Variants in KLLN observed in about 807,000 individuals in gnomAD.
The protein encoded by KLLN is killin.
For synonymous variants in KLLN, 142 were observed against 102.2 expected (o/e 1.39, Z -2.35); for missense variants, 340 against 241.3 (o/e 1.41, Z -2.71).
In KLLN at chr10:87,862,670, T is replaced by C. The variant is rs772961242; in HGVS notation, c.-183A>G. 8.1e-6 allele frequency: 5 copies of C among 615,520 alleles called. No homozygotes were observed. Among genetic ancestry groups the C allele is most frequent in the African/African-American group, 3.7e-5 (2 of 53,844 alleles). The allele number at this position is 615,520 out of a possible 1,614,324, so 38.1% of individuals were successfully genotyped here. A position where few individuals can be genotyped will look rare whatever the true frequency, so the allele number is the denominator to read the frequency against. ...GCGTCCCACTCACAGGGATCCTCTT[T>C]CAGTTCATTTAGATAGGTGCCCTTT... On this transcript the variant is annotated 5_prime_UTR_variant, in exon 1 of 1. It removes the in-frame stop codon of an upstream open reading frame in the 5' UTR. Coordinates refer to ENST00000445946, the MANE Select transcript of KLLN (RefSeq NM_001126049.2).
Position 87,860,036 on chromosome 10 carries a change from A to AAAAAAAC in KLLN, c.*1914_*1915insGTTTTTT, listed in dbSNP as rs1858232519. On this transcript the variant is annotated 3_prime_UTR_variant, in exon 1 of 1. Coordinates refer to ENST00000445946, the MANE Select transcript of KLLN (RefSeq NM_001126049.2). Reference sequence around the variant, plus strand: ...GTCTCAAAAAAAAAAAAAAAAAAAGAAAAAAAAAAAAAGAACTGAAGTGCT... The same window carrying AAAAAAAC: ...GTCTCAAAAAAAAAAAAAAAAAAAGAAAAAAACAAAAAAAAAAAAGAACTGAAGTGCT... The AAAAAAAC allele has an allele frequency of 8.0e-6, 1 of 124,414 alleles. No homozygotes were observed. The allele number at this position is 124,414 out of a possible 1,614,324, so 7.7% of individuals were successfully genotyped here. A position where few individuals can be genotyped will look rare whatever the true frequency, so the allele number is the denominator to read the frequency against.
At position 87,862,142 on chromosome 10, in the gene KLLN, G is replaced by C; in HGVS notation, c.346C>G (p.Arg116Gly). 2 of 1,550,550 alleles carry C rather than the reference G, an allele frequency of 1.3e-6. No homozygotes were observed. The highest frequency in any genetic ancestry group is 1.7e-6 in the Non-Finnish European group (2 of 1,146,260). The change falls in exon 1 of 1, where the codon CGG becomes GGG. Residue 116 changes from arginine (R) to glycine (G), a missense_variant. By Grantham distance (125) the Arg-to-Gly change is moderately radical. Coordinates refer to ENST00000445946, the MANE Select transcript of KLLN (RefSeq NM_001126049.2). ...PSCAAAETGA[R>G]TSLPKERCRG... ...CAGCGCTCCTTCGGGAGGCTGGTCC[G>C]AGCCCCTGTTTCCGCCGCGGCGCAG...
In KLLN at chr10:87,861,362, C is replaced by T. The variant is rs868229865; in HGVS notation, c.*589G>A. 2.6e-5 allele frequency: 4 copies of T among 152,378 alleles called. No homozygotes were observed. The highest frequency in any genetic ancestry group is 2.6e-4 in the Admixed American group (4 of 15,286). 9.4% of individuals were successfully genotyped at this position (152,378 alleles called of 1,614,324 possible). On this transcript the variant is annotated 3_prime_UTR_variant, in exon 1 of 1. Transcript: ENST00000445946. ...ACACACATGCAGATTGATTCTCATTCTCTCAAAGTTTGAAAAACAACTCAG... is the reference window on the plus strand; with the variant it reads ...ACACACATGCAGATTGATTCTCATTTTCTCAAAGTTTGAAAAACAACTCAG...
rs1858234204 is a variant in KLLN at position 87,860,144 on chromosome 10, T to A, written c.*1807A>T. 6.6e-6 allele frequency: 1 copy of A among 152,124 alleles called. No homozygotes were observed. Among genetic ancestry groups the A allele is most frequent in the Non-Finnish European group, 1.5e-5 (1 of 68,022 alleles). The allele number at this position is 152,124 out of a possible 1,614,324, so 9.4% of individuals were successfully genotyped here. ...TAAAAAAGTACTATTTTTGAAACTT[T>A]CTTTAGTTTAGATAGGGCCAGCCAT... is the stretch of plus-strand genomic sequence containing the variant. On this transcript the variant is annotated 3_prime_UTR_variant, in exon 1 of 1. Transcript: ENST00000445946.
Position 87,862,712 on chromosome 10 carries a change from A to G in KLLN, c.-225T>C, listed in dbSNP as rs1858300641. The G allele has an allele frequency of 2.1e-5, 12 of 578,290 alleles. No individual in the cohort carries two copies. The highest frequency in any genetic ancestry group is 4.7e-4 in the Middle Eastern group (1 of 2,150). 35.8% of individuals were successfully genotyped at this position (578,290 alleles called of 1,614,324 possible). ...GTGCCCTTTGGGCCCTTGAAATTCA[A>G]CGGCTATGTGTTCACGTTCAGCACG... On this transcript the variant is annotated 5_prime_UTR_variant, in exon 1 of 1. Coordinates refer to ENST00000445946, the MANE Select transcript of KLLN (RefSeq NM_001126049.2).
In KLLN at chr10:87,862,331, T is replaced by G. The variant is rs1219074532; in HGVS notation, c.157A>C (p.Thr53Pro). 1 of 1,551,530 alleles carries G rather than the reference T, an allele frequency of 6.4e-7. No individual in the cohort carries two copies. The change falls in exon 1 of 1, where the codon ACA (threonine) becomes CCA (proline). Residue 53 changes from threonine to proline, a missense_variant. Thr to Pro is a conservative substitution (Grantham distance 38, BLOSUM62 -1). Coordinates refer to ENST00000445946, the MANE Select transcript of KLLN (RefSeq NM_001126049.2). ...AAAGTAGTTCCGACTGTGGCCCGTG[T>G]ATCCTTCCACCTCCTTTTGAACCCT... Reference protein sequence around the residue: ...LGGFKRRWKDTRATVGTTFRR... With the variant: ...LGGFKRRWKDPRATVGTTFRR...
Position 87,862,556 on chromosome 10 carries a change from C to G in KLLN, c.-69G>C. ...GGTCTCTGAGAACCGAGCTTGACTCCGACGCCGCGAACCGACCTGGAGCCC... is the reference window on the plus strand; with the variant it reads ...GGTCTCTGAGAACCGAGCTTGACTCGGACGCCGCGAACCGACCTGGAGCCC... On this transcript the variant is annotated 5_prime_UTR_variant, in exon 1 of 1. Transcript: ENST00000445946. 1 of 1,392,008 alleles carries G rather than the reference C, an allele frequency of 7.2e-7. No homozygotes were observed. The allele number at this position is 1,392,008 out of a possible 1,614,324, so 86.2% of individuals were successfully genotyped here.
chr10:87,862,142 G>A lies in KLLN; in HGVS notation c.346C>T (p.Arg116Trp), dbSNP rs1438807362. 36 of 1,550,432 alleles carry A rather than the reference G, an allele frequency of 2.3e-5. 1 individual carries two copies. Among genetic ancestry groups the A allele is most frequent in the Non-Finnish European group, 2.9e-5 (33 of 1,146,268 alleles). Residue 116 changes from arginine to tryptophan, a missense_variant, in exon 1 of 1, where the codon CGG (arginine) becomes TGG (tryptophan). Transcript: ENST00000445946. The stretch of plus-strand genomic sequence containing the variant: ...CAGCGCTCCTTCGGGAGGCTGGTCC[G>A]AGCCCCTGTTTCCGCCGCGGCGCAG... ...PSCAAAETGA[R>W]TSLPKERCRG...
In KLLN at chr10:87,861,941, G is replaced by C; in HGVS notation, c.*10C>G. The C allele has an allele frequency of 6.9e-7, 1 of 1,454,970 alleles. No homozygotes were observed. Among genetic ancestry groups the C allele is most frequent in the Non-Finnish European group, 9.1e-7 (1 of 1,101,470 alleles). 90.1% of individuals were successfully genotyped at this position (1,454,970 alleles called of 1,614,324 possible). Reference sequence around the variant, plus strand: ...TAGGTCGATGTAGAGCAAGGAGTGAGTCTCAGGTCTCAGTCCTTTGGCTTG... The same window carrying C: ...TAGGTCGATGTAGAGCAAGGAGTGACTCTCAGGTCTCAGTCCTTTGGCTTG... On this transcript the variant is annotated 3_prime_UTR_variant, in exon 1 of 1. Transcript: ENST00000445946.
chr10:87,862,403 C>G lies in KLLN; in HGVS notation c.85G>C (p.Gly29Arg), dbSNP rs1230495311. 6.4e-7 allele frequency: 1 copy of G among 1,551,662 alleles called. No individual in the cohort carries two copies. ...GYRVEWKVRN[G>R]RKLQPSEWAG... ...CACTCGCTGGGCTGCAGCTTCCTAC[C>G]GTTCCGTACTTTCCACTCAACCCGG... is the stretch of plus-strand genomic sequence containing the variant. The change falls in exon 1 of 1, where the codon GGT becomes CGT. Residue 29 changes from glycine (G) to arginine (R), a missense_variant. By Grantham distance (125) the Gly-to-Arg change is moderately radical (BLOSUM62 -2). Coordinates refer to ENST00000445946, the MANE Select transcript of KLLN (RefSeq NM_001126049.2).
In KLLN at chr10:87,862,193, A is replaced by AACC. The variant is rs781685752; in HGVS notation, c.294_295insGGT (p.Trp98_Cys99insGly). The AACC allele has an allele frequency of 8.8e-5, 136 of 1,551,650 alleles. No individual in the cohort carries two copies. The African/African-American group carries it at 1.7e-3, about 19-fold the overall frequency. ...GAAGGGTTGGGGTTCCGCTGCCTGC[A>AACC]CCAGGCAAGAGCACCCCGAGCAAAG... On this transcript the variant is annotated inframe_insertion, in exon 1 of 1. Coordinates refer to ENST00000445946, the MANE Select transcript of KLLN (RefSeq NM_001126049.2).
In KLLN at chr10:87,862,671, C is replaced by G; in HGVS notation, c.-184G>C. The G allele has an allele frequency of 1.6e-6, 1 of 616,038 alleles. No individual in the cohort carries two copies. Among genetic ancestry groups the G allele is most frequent in the Non-Finnish European group, 2.9e-6 (1 of 340,062 alleles). 38.2% of individuals were successfully genotyped at this position (616,038 alleles called of 1,614,324 possible). A position where few individuals can be genotyped will look rare whatever the true frequency, so the allele number is the denominator to read the frequency against. On this transcript the variant is annotated 5_prime_UTR_variant, in exon 1 of 1. An upstream open reading frame in the 5' UTR loses its in-frame stop. Transcript: ENST00000445946. ...CGTCCCACTCACAGGGATCCTCTTTCAGTTCATTTAGATAGGTGCCCTTTG... is the reference window on the plus strand; with the variant it reads ...CGTCCCACTCACAGGGATCCTCTTTGAGTTCATTTAGATAGGTGCCCTTTG...
In KLLN at chr10:87,862,699, C is replaced by T. The variant is rs548360693; in HGVS notation, c.-212G>A. 1.5e-5 allele frequency: 9 copies of T among 589,410 alleles called. No homozygotes were observed. The East Asian group carries it at 2.0e-4, about 13-fold the overall frequency. 36.5% of individuals were successfully genotyped at this position (589,410 alleles called of 1,614,324 possible). A position where few individuals can be genotyped will look rare whatever the true frequency, so the allele number is the denominator to read the frequency against. The stretch of plus-strand genomic sequence containing the variant: ...TTCATTTAGATAGGTGCCCTTTGGG[C>T]CCTTGAAATTCAACGGCTATGTGTT... On this transcript the variant is annotated 5_prime_UTR_variant, in exon 1 of 1. Transcript: ENST00000445946.
Position 87,863,338 on chromosome 10 carries a change from T to C in KLLN, c.-851A>G. On this transcript the variant is annotated 5_prime_UTR_variant, in exon 1 of 1. Coordinates refer to ENST00000445946, the MANE Select transcript of KLLN (RefSeq NM_001126049.2). ...CCGGCCCGAGCAAGCCCCAGGCAGC[T>C]ACACTGGGCATGCTCAGTAGAGCCT... The C allele has an allele frequency of 3.3e-6, 1 of 302,890 alleles. No individual in the cohort carries two copies. The allele number at this position is 302,890 out of a possible 1,614,324, so 18.8% of individuals were successfully genotyped here.
chr10:87,861,663 G>A lies in KLLN; in HGVS notation c.*288C>T. ...CTTGACAGGTTTGTTCTGGGCTGAC[G>A]GCCATTGACTAGGTTCTCAGACCAG... On this transcript the variant is annotated 3_prime_UTR_variant, in exon 1 of 1. Transcript: ENST00000445946. The A allele has an allele frequency of 2.8e-6, 1 of 351,690 alleles. No homozygotes were observed. Among genetic ancestry groups the A allele is most frequent in the Non-Finnish European group, 5.2e-6 (1 of 193,654 alleles). The allele number at this position is 351,690 out of a possible 1,614,324, so 21.8% of individuals were successfully genotyped here.
Position 87,863,096 on chromosome 10 carries a change from CT to C in KLLN, c.-610del. 5.8e-6 allele frequency: 1 copy of C among 172,524 alleles called. No homozygotes were observed. Among genetic ancestry groups the C allele is most frequent in the Non-Finnish European group, 1.4e-5 (1 of 71,262 alleles). 10.7% of individuals were successfully genotyped at this position (172,524 alleles called of 1,614,324 possible). On this transcript the variant is annotated 5_prime_UTR_variant, in exon 1 of 1. Transcript: ENST00000445946. The stretch of plus-strand genomic sequence containing the variant: ...CACTGAGCAGCGTGGTCACCTGGTC[CT>C]TTTCACCTGTGCACAGGTAACCTCA...
In KLLN at chr10:87,859,285, T is replaced by C. The variant is rs1858219603; in HGVS notation, c.*2666A>G. On this transcript the variant is annotated 3_prime_UTR_variant, in exon 1 of 1. Transcript: ENST00000445946. ...TTTACATTCAATCCAATGATTATTA[T>C]GTTTTTATATTCTGTATTATTTAGA... is the stretch of plus-strand genomic sequence containing the variant. The C allele has an allele frequency of 6.6e-6, 1 of 152,198 alleles. No individual in the cohort carries two copies. Among genetic ancestry groups the C allele is most frequent in the Non-Finnish European group, 1.5e-5 (1 of 68,038 alleles). 9.4% of individuals were successfully genotyped at this position (152,198 alleles called of 1,614,324 possible). A position where few individuals can be genotyped will look rare whatever the true frequency, so the allele number is the denominator to read the frequency against.
Position 87,861,125 on chromosome 10 carries a change from G to C in KLLN, c.*826C>G, listed in dbSNP as rs554575355. 29 of 152,334 alleles carry C rather than the reference G, an allele frequency of 1.9e-4. No homozygotes were observed. The highest frequency in any genetic ancestry group is 1.9e-3 in the Admixed American group (29 of 15,304). The allele number at this position is 152,334 out of a possible 1,614,324, so 9.4% of individuals were successfully genotyped here. A position where few individuals can be genotyped will look rare whatever the true frequency, so the allele number is the denominator to read the frequency against. On this transcript the variant is annotated 3_prime_UTR_variant, in exon 1 of 1. Transcript: ENST00000445946. ...CTGTATATAAGTGCAAAGTTTTATGGAGCCTCAGAGGTCTCTAAGAACACT... is the reference window on the plus strand; with the variant it reads ...CTGTATATAAGTGCAAAGTTTTATGCAGCCTCAGAGGTCTCTAAGAACACT...
At position 87,860,273 on chromosome 10, in the gene KLLN, A is replaced by G. The variant is rs1328247769; in HGVS notation, c.*1678T>C. The G allele has an allele frequency of 6.6e-6, 1 of 152,260 alleles. No homozygotes were observed. Among genetic ancestry groups the G allele is most frequent in the Non-Finnish European group, 1.5e-5 (1 of 68,044 alleles). 9.4% of individuals were successfully genotyped at this position (152,260 alleles called of 1,614,324 possible). ...GAACAGAAGGAGGATTTTATTCACC[A>G]ACTCCTAATAACCACCTGATGTTGC... On this transcript the variant is annotated 3_prime_UTR_variant, in exon 1 of 1. Transcript: ENST00000445946.
Sources: gnomAD v4.1 joint callset for allele counts on GRCh38, gnomAD v4.1.1 for gene constraint, MANE v1.5 for transcripts, NCBI Gene and HGNC (gene_info 2026-07-23, HGNC 2026-07-21) for gene names.